Variants in GRIN2C observed in about 807,000 individuals in gnomAD.
GRIN2C encodes glutamate receptor ionotropic, NMDA 2C.
A neutral mutation model predicts 77.7 loss-of-function variants in GRIN2C; 64 were observed. That is an observed-to-expected ratio of 0.82 (90% CI 0.67 to 1.01). The LOEUF (loss-of-function observed/expected upper bound fraction) is 1.01, where lower values mean the gene tolerates loss of function less well. Ranked by LOEUF, GRIN2C falls within the 50% of genes least tolerant of loss-of-function variation. GRIN2C has a pLI of 0.00. For synonymous variants in GRIN2C, 792 were observed against 643.4 expected, an observed-to-expected ratio of 1.23 and a Z score of -3.49; for missense variants, 1,549 against 1,486.0, an observed-to-expected ratio of 1.04 and a Z score of -0.70.
Position 74,852,013 on chromosome 17 carries a change from C to G in GRIN2C, c.998G>C (p.Arg333Thr). ...CCCTATGCCCCGGGCAGGTGCCCAC[C>G]TGTAGAAGGCCTCCCGGGCAGGGCT... ...PVSPAREAFY[R>T]HLLNVTWEGR... The change falls in exon 3 of 13, where the codon AGG becomes ACG. Residue 333 changes from arginine to threonine, a missense_variant and splice_region_variant. Physicochemically the swap from Arg to Thr is moderately conservative, Grantham distance 71 (BLOSUM62 -1). This residue lies in a region of GRIN2C where 717 missense variants were observed against 858.1 expected (regional missense o/e 0.84). Transcript: ENST00000293190. The G allele has an allele frequency of 6.8e-7, 1 of 1,467,446 alleles. No individual in the cohort carries two copies. Among genetic ancestry groups the G allele is most frequent in the Non-Finnish European group, 9.0e-7 (1 of 1,108,314 alleles). The allele number at this position is 1,467,446 out of a possible 1,614,324, so 90.9% of individuals were successfully genotyped here. A position where few individuals can be genotyped will look rare whatever the true frequency, so the allele number is the denominator to read the frequency against.
In GRIN2C at chr17:74,849,303, G is replaced by A. The variant is rs117932831; in HGVS notation, c.1645+477C>T. 1.2e-3 allele frequency among the ~76,000 whole-genome samples: 190 copies of A among 152,168 alleles called. 3 individuals carry two copies. In the Middle Eastern group the frequency reaches 0.034, roughly 27 times the overall value. On this transcript the variant is annotated intron_variant, in intron 7 of 12. Transcript: ENST00000293190. The surrounding 1 kb of genome is among the most constrained non-coding windows in gnomAD (Gnocchi z 4.6). ...TGCCACCTCACACTTCATGTCCCACGTGGCCTCTGACAGGGAACTTTGGGA... is the reference window on the plus strand; with the variant it reads ...TGCCACCTCACACTTCATGTCCCACATGGCCTCTGACAGGGAACTTTGGGA...
chr17:74,850,401 G>A lies in GRIN2C; in HGVS notation c.1326-30C>T, dbSNP rs1433042688. The A allele has an allele frequency of 3.7e-6, 6 of 1,603,786 alleles. No homozygotes were observed. Among genetic ancestry groups the A allele is most frequent in the Admixed American group, 3.3e-5 (2 of 59,964 alleles). On this transcript the variant is annotated intron_variant, in intron 5 of 12. Coordinates refer to ENST00000293190, the MANE Select transcript of GRIN2C (RefSeq NM_000835.6). The surrounding 1 kb of genome is among the most constrained non-coding windows in gnomAD (Gnocchi z 5.3). ...AGCCATGCCGCCATGAGACCACCGG[G>A]AGTCAGAGTATGTCGTGGCCCAGCC...
chr17:74,852,832 A>C (rs764042648), intron 2 of GRIN2C: 153 of 419,032 alleles, frequency 3.7e-4, no homozygotes, highest in Non-Finnish European at 6.1e-4. Context: ...GCTGGCCCGC[A>C]GACCCGCAGC....
At position 74,854,542 on chromosome 17, in the gene GRIN2C, C is replaced by A. The variant is rs191320124; in HGVS notation, c.399+152G>T. The A allele has an allele frequency of 1.4e-5, 9 of 622,638 alleles. No homozygotes were observed. In the East Asian group the frequency reaches 2.5e-4, roughly 17 times the overall value. 38.6% of individuals were successfully genotyped at this position (622,638 alleles called of 1,614,324 possible). On this transcript the variant is annotated intron_variant, in intron 2 of 12. Transcript: ENST00000293190. ...CTCCTCTAGAACATGGGATGTCATTCCCATAACCATCTCCCCATCACCCAC... is the reference window on the plus strand; with the variant it reads ...CTCCTCTAGAACATGGGATGTCATTACCATAACCATCTCCCCATCACCCAC...
In GRIN2C at chr17:74,843,534, C is replaced by T; in HGVS notation, c.2603G>A (p.Ser868Asn). ...AFSRGIYSCF[S>N]GVQSLASPPR... ...TGGGCTGGCGAGGCTCTGCACCCCG[C>T]TGAAGCAGCTGTAGATGCCCTGGGC... is the stretch of plus-strand genomic sequence containing the variant. Residue 868 changes from serine (S) to asparagine (N), a missense_variant, in exon 13 of 13, where the codon AGC (serine) becomes AAC (asparagine). By Grantham distance (46) the Ser-to-Asn change is conservative (BLOSUM62 1). Around this residue, in one of 3 missense-constraint regions of GRIN2C, gnomAD observed 450 missense variants for 267.9 expected, o/e 1.68. Coordinates refer to ENST00000293190, the MANE Select transcript of GRIN2C (RefSeq NM_000835.6). 12 of 1,533,140 alleles carry T rather than the reference C, an allele frequency of 7.8e-6. No homozygotes were observed. Among genetic ancestry groups the T allele is most frequent in the Non-Finnish European group, 9.6e-6 (11 of 1,146,430 alleles). 95.0% of individuals were successfully genotyped at this position (1,533,140 alleles called of 1,614,324 possible).
intron 2 of GRIN2C, chr17:74,854,320 A>T: frequency 5.3e-6 from 1 of 189,014 alleles, no homozygotes. Context: ...TGCTCACCCT[A>T]CAGGTCAACT....
rs1328701425 is a variant in GRIN2C at position 74,852,209 on chromosome 17, T to G, written c.802A>C (p.Thr268Pro). Residue 268 changes from threonine to proline, a missense_variant, in exon 3 of 13, where the codon ACC becomes CCC. Coordinates refer to ENST00000293190, the MANE Select transcript of GRIN2C (RefSeq NM_000835.6). Reference sequence around the variant, plus strand: ...ACGCTGATGAGGCCCACGGGGAAGGTGGCGGGGGGCGCATCGGTGCTGCCC... The same window carrying G: ...ACGCTGATGAGGCCCACGGGGAAGGGGGCGGGGGGCGCATCGGTGCTGCCC... The part of the protein sequence containing the change: ...ALGSTDAPPA[T>P]FPVGLISVVT... 1 of 1,446,528 alleles carries G rather than the reference T, an allele frequency of 6.9e-7. No homozygotes were observed. The highest frequency in any genetic ancestry group is 9.1e-7 in the Non-Finnish European group (1 of 1,101,936). The allele number at this position is 1,446,528 out of a possible 1,614,324, so 89.6% of individuals were successfully genotyped here.
chr17:74,860,039 G>A (rs1598503252), upstream of GRIN2C, among the ~76,000 whole-genome samples: 1 of 151,888 alleles, frequency 6.6e-6, no homozygotes, highest in East Asian at 1.9e-4. Context: ...CCCCCAAGCT[G>A]GGTCGTGACC....
At position 74,850,884 on chromosome 17, in the gene GRIN2C, A is replaced by C. The variant is rs941312631; in HGVS notation, c.1114-117T>G. ...TCACCTAGGGATGCTGGGGCAGGTC[A>C]GAGTAGGGCTGCTCCCAACAGCCTC... On this transcript the variant is annotated intron_variant, in intron 4 of 12. Coordinates refer to ENST00000293190, the MANE Select transcript of GRIN2C (RefSeq NM_000835.6). This position sits in a 1 kb window ranked among gnomAD's most constrained non-coding sequence, Gnocchi z 5.3. 42 of 846,060 alleles carry C rather than the reference A, an allele frequency of 5.0e-5. No individual in the cohort carries two copies. In the South Asian group the frequency reaches 5.5e-4, roughly 11 times the overall value. 52.4% of individuals were successfully genotyped at this position (846,060 alleles called of 1,614,324 possible).
chr17:74,855,219 G>T, intron 1 of GRIN2C, 112 bp from the exon 2 acceptor site: 1 of 824,526 alleles, frequency 1.2e-6, no homozygotes, highest in Non-Finnish European at 1.8e-6. Context: ...AGAGAAGAGG[G>T]GAAAACCTCC....
Position 74,844,299 on chromosome 17 carries a change from C to T in GRIN2C, c.2560G>A (p.Asp854Asn), listed in dbSNP as rs1354081028. The T allele has an allele frequency of 1.2e-6, 2 of 1,613,870 alleles. No individual in the cohort carries two copies. The highest frequency in any genetic ancestry group is 1.7e-6 in the Non-Finnish European group (2 of 1,179,930). The change falls in exon 12 of 13, where the codon GAC becomes AAC. Residue 854 changes from aspartate (D) to asparagine (N), a missense_variant. Asp to Asn is a conservative substitution (Grantham distance 23). This residue lies in a region of GRIN2C where 450 missense variants were observed against 267.9 expected (regional missense o/e 1.68). Transcript: ENST00000293190. The stretch of plus-strand genomic sequence containing the variant: ...ACCCTGCTGAAAGCCAGCAGGAAGT[C>T]CAGCTGGGATGAGTTGGGCACCGAG... ...RHSVPNSSQL[D>N]FLLAFSRGIY... is the part of the protein sequence containing the mutation.
intron 3 of GRIN2C, 120 bp downstream of exon 3, chr17:74,851,893 A>G: frequency 1.3e-6 from 1 of 755,532 alleles, no homozygotes; most frequent in Non-Finnish European, 2.1e-6. Context: ...CAGGTGGGGT[A>G]ATGTGGCCCC....
Position 74,852,361 on chromosome 17 carries a change from C to A in GRIN2C, c.650G>T (p.Arg217Leu), listed in dbSNP as rs2037679183. Reference protein sequence around the residue: ...GPRARTQRLLRQLDAPVFVAY... With the variant: ...GPRARTQRLLLQLDAPVFVAY... ...CACAAACACGGGCGCGTCGAGCTGG[C>A]GCAGCAGGCGCTGCGTGCGCGCGCG... Residue 217 changes from arginine (R) to leucine (L), a missense_variant, in exon 3 of 13, where the codon CGC becomes CTC. This residue lies in a region of GRIN2C where 382 missense variants were observed against 360.0 expected (regional missense o/e 1.06). Coordinates refer to ENST00000293190, the MANE Select transcript of GRIN2C (RefSeq NM_000835.6). 2 of 1,450,586 alleles carry A rather than the reference C, an allele frequency of 1.4e-6. No homozygotes were observed. The highest frequency in any genetic ancestry group is 2.9e-5 in the East Asian group (1 of 34,444). The allele number at this position is 1,450,586 out of a possible 1,614,324, so 89.9% of individuals were successfully genotyped here. A position where few individuals can be genotyped will look rare whatever the true frequency, so the allele number is the denominator to read the frequency against.
At position 74,846,265 on chromosome 17, in the gene GRIN2C, C is replaced by A. The variant is rs2037454005; in HGVS notation, c.2163-12G>T. ...AGGCATCCAGCTTCCTGGGGACAGG[C>A]TGAGCCTCAGAGCTAGGGACCATAT... On this transcript the variant is annotated splice_polypyrimidine_tract_variant and intron_variant, in intron 10 of 12. Coordinates refer to ENST00000293190, the MANE Select transcript of GRIN2C (RefSeq NM_000835.6). The surrounding 1 kb of genome is among the most constrained non-coding windows in gnomAD (Gnocchi z 4.4). 6.2e-7 allele frequency: 1 copy of A among 1,613,216 alleles called. No homozygotes were observed. Among genetic ancestry groups the A allele is most frequent in the African/African-American group, 1.3e-5 (1 of 74,914 alleles).
At chr17:74,845,197 T>TG (rs1428979495) in intron 11 of GRIN2C, among the ~76,000 whole-genome samples, 1 of 151,858 alleles carries the variant, frequency 6.6e-6, no homozygotes. Context: ...CCCAAAGTGC[T>TG]GGGATTACAG....
rs752276567 is a variant in GRIN2C, at chr17:74,848,000, CA to C, written c.1646-24del. The C allele has an allele frequency of 3.7e-6, 6 of 1,613,456 alleles. No individual in the cohort carries two copies. The highest frequency in any genetic ancestry group is 5.1e-6 in the Non-Finnish European group (6 of 1,179,644). ...GCTCTGGGGACAGAGGGAGGCAGCTCAGAGGCCTCGGCATGTTCCCTGCCCC... is the reference window on the plus strand; with the variant it reads ...GCTCTGGGGACAGAGGGAGGCAGCTCGAGGCCTCGGCATGTTCCCTGCCCC... On this transcript the variant is annotated intron_variant, in intron 7 of 12. Transcript: ENST00000293190. The surrounding 1 kb of genome is among the most constrained non-coding windows in gnomAD (Gnocchi z 5.2).
At position 74,850,721 on chromosome 17, in the gene GRIN2C, C is replaced by T; in HGVS notation, c.1160G>A (p.Trp387Ter). The stretch of plus-strand genomic sequence containing the variant: ...CTGCAGAGAGGCACTGTAGCGAGGC[C>T]ACACGGGGTACTTCATGTATAGGAC... The part of the protein sequence containing the change: ...HGVLYMKYPV[W>*]PRYSASLQPV... Residue 387 changes from tryptophan to a stop codon, truncating the protein, a stop_gained, in exon 5 of 13, where the codon TGG (tryptophan) becomes TAG (stop). Coordinates refer to ENST00000293190, the MANE Select transcript of GRIN2C (RefSeq NM_000835.6). LOFTEE classifies it high-confidence loss of function. The surrounding 1 kb of genome is among the most constrained non-coding windows in gnomAD (Gnocchi z 5.3). 1 of 1,613,498 alleles carries T rather than the reference C, an allele frequency of 6.2e-7. No homozygotes were observed. The highest frequency in any genetic ancestry group is 1.3e-5 in the African/African-American group (1 of 75,048).
chr17:74,860,791 G>A (rs917229621), upstream of GRIN2C: 2 of 338,740 alleles, frequency 5.9e-6, no homozygotes, highest in African/African-American at 2.2e-5. Context: ...GAGAGAGCTA[G>A]GCTGGGGCAA....
Position 74,849,675 on chromosome 17 carries a change from G to T in GRIN2C, c.1645+105C>A. 2.9e-6 allele frequency: 3 copies of T among 1,033,104 alleles called. No homozygotes were observed. Among genetic ancestry groups the T allele is most frequent in the Non-Finnish European group, 4.3e-6 (3 of 702,444 alleles). 64.0% of individuals were successfully genotyped at this position (1,033,104 alleles called of 1,614,324 possible). On this transcript the variant is annotated intron_variant, in intron 7 of 12. Coordinates refer to ENST00000293190, the MANE Select transcript of GRIN2C (RefSeq NM_000835.6). The surrounding 1 kb of genome is among the most constrained non-coding windows in gnomAD (Gnocchi z 4.6). Reference sequence around the variant, plus strand: ...TCCAAGACCCAAGGCTGCTGTGCTTGGCCTGTGAGAGCCCACCCAACTCCC... The same window carrying T: ...TCCAAGACCCAAGGCTGCTGTGCTTTGCCTGTGAGAGCCCACCCAACTCCC...
Sources: allele counts gnomAD v4.1 joint callset (sites outside exome capture counted in the v4.1 genomes callset), GRCh38; gene constraint gnomAD v4.1.1; regional missense constraint gnomAD v4.1.1; non-coding constraint Gnocchi (gnomAD v3.1); transcripts MANE v1.5; gene names NCBI Gene and HGNC (gene_info 2026-07-23, HGNC 2026-07-21).